The following FMN1 variants were observed in gnomAD, a reference collection of about 807,000 sequenced individuals.
FMN1 encodes the protein formin 1.
In FMN1, 110 loss-of-function variants were observed where a neutral mutation model predicts 132.4. The ratio of observed to expected loss-of-function variants is 0.83; its 90% CI spans 0.71 to 0.97. The LOEUF (loss-of-function observed/expected upper bound fraction) is 0.97, where lower values mean the gene tolerates loss of function less well. Ranked by LOEUF, FMN1 falls within the 50% of genes least tolerant of loss-of-function variation. The pLI is 0.00. For missense variants in FMN1, 1,792 were observed against 1,705.3 expected, an observed-to-expected ratio of 1.05 and a Z score of -0.90; for synonymous variants, 722 against 651.7, an observed-to-expected ratio of 1.11 and a Z score of -1.64.
chr15:33,102,315 G>C (rs904974217), intron 4 of FMN1, among the ~76,000 whole-genome samples: 1 of 152,134 alleles, frequency 6.6e-6, no homozygotes, highest in Non-Finnish European at 1.5e-5. Context: ...TTGTTGAAAT[G>C]AGAAGATGTG....
intron 4 of FMN1, among the ~76,000 whole-genome samples, chr15:33,144,039 T>C (rs1212642242): frequency 6.6e-6 from 1 of 152,138 alleles, no homozygotes; most frequent in Non-Finnish European, 1.5e-5. Context: ...TTGAGAACAC[T>C]TTGAAGAGAG....
intron 6 of FMN1, among the ~76,000 whole-genome samples, chr15:33,058,461 A>G (rs2037335050): frequency 6.6e-6 from 1 of 152,238 alleles, no homozygotes; most frequent in African/African-American, 2.4e-5. Flanking sequence ...CATGTACACC[A>G]TGCATTTTAC....
At position 33,151,578 on chromosome 15, in the gene FMN1, G is replaced by T. The variant is rs8037315; in HGVS notation, c.1867+1470C>A. ...AAATAGAAAAAGGGCAAAATAATAAGATAATCCTACATTGAGGAAAAAGAG... is the reference window on the plus strand; with the variant it reads ...AAATAGAAAAAGGGCAAAATAATAATATAATCCTACATTGAGGAAAAAGAG... On this transcript the variant is annotated intron_variant, in intron 4 of 20. Coordinates refer to ENST00000616417, the MANE Select transcript of FMN1 (RefSeq NM_001277313.2). 8.5e-3 allele frequency among the ~76,000 whole-genome samples: 1,294 copies of T among 152,238 alleles called. 14 individuals carry two copies. The highest frequency in any genetic ancestry group is 0.03 in the African/African-American group (1,228 of 41,512).
At chr15:32,997,738 A>G (rs2033858983) in intron 7 of FMN1, among the ~76,000 whole-genome samples, 1 of 152,130 alleles carries the variant, frequency 6.6e-6, no homozygotes, top group Non-Finnish European at 1.5e-5. Context: ...TAGAACACAG[A>G]CCATACCCAA....
At chr15:33,034,932 G>A (rs376732058) in intron 6 of FMN1, among the ~76,000 whole-genome samples, 3 of 152,040 alleles carry the variant, frequency 2.0e-5, no homozygotes, top group South Asian at 4.2e-4. Flanking sequence ...CAACACAAAA[G>A]CCAATCTCAA....
At chr15:32,799,956 C>G in intron 18 of FMN1, among the ~76,000 whole-genome samples, 1 of 152,156 alleles carries the variant, frequency 6.6e-6, no homozygotes, top group East Asian at 1.9e-4. Context: ...GCTCTATCAT[C>G]TGTTCAGACA....
Position 32,902,070 on chromosome 15 carries a change from T to G in FMN1, c.3378-30A>C, listed in dbSNP as rs111871731. ...AAAAAAGAAAATGTGTCATCTACCT[T>G]CACATATAATCACAAGGAAAATAAA... On this transcript the variant is annotated intron_variant, in intron 12 of 20. Transcript: ENST00000616417. 290 of 1,573,364 alleles carry G rather than the reference T, an allele frequency of 1.8e-4. 1 individual carries two copies. In the African/African-American group the frequency reaches 3.4e-3, roughly 18 times the overall value.
chr15:33,094,317 T>C (rs1221684254), intron 4 of FMN1, among the ~76,000 whole-genome samples: 1 of 152,202 alleles, frequency 6.6e-6, no homozygotes, highest in African/African-American at 2.4e-5. Flanking sequence ...GGGGGATAGA[T>C]AGATTTGATG....
chr15:33,041,772 G>A (rs1271300341), intron 6 of FMN1, among the ~76,000 whole-genome samples: 1 of 152,052 alleles, frequency 6.6e-6, no homozygotes, highest in Non-Finnish European at 1.5e-5. Context: ...ATATAAATGA[G>A]GGAAGATGGA....
intron 12 of FMN1, among the ~76,000 whole-genome samples, chr15:32,905,677 G>C (rs992086088): frequency 1.3e-5 from 2 of 152,214 alleles, no homozygotes; most frequent in Admixed American, 1.3e-4. Context: ...TCCATGCTCT[G>C]ATTTATAGGA....
In FMN1 at chr15:33,065,015, C is replaced by A; in HGVS notation, c.2103G>T (p.Trp701Cys). The part of the protein sequence containing the change: ...DRTPGRLQAV[W>C]PPPKTKDTEE... ...CTGTGTCTTTTGTCTTTGGGGGTGG[C>A]CAGACAGCTTGAAGTCTGCCAGGAG... is the stretch of plus-strand genomic sequence containing the variant. The change falls in exon 6 of 21, where the codon TGG becomes TGT. Residue 701 changes from tryptophan to cysteine, a missense_variant. Physicochemically the swap from Trp to Cys is radical, Grantham distance 215 (BLOSUM62 -2). This residue lies in a region of FMN1 where 1,150 missense variants were observed against 1,043.1 expected (regional missense o/e 1.10). Coordinates refer to ENST00000616417, the MANE Select transcript of FMN1 (RefSeq NM_001277313.2). 1 of 1,611,886 alleles carries A rather than the reference C, an allele frequency of 6.2e-7. No individual in the cohort carries two copies. The highest frequency in any genetic ancestry group is 8.5e-7 in the Non-Finnish European group (1 of 1,178,958).
intron 7 of FMN1, among the ~76,000 whole-genome samples, chr15:32,988,000 GA>G (rs1337623161): frequency 5.4e-5 from 8 of 148,258 alleles, no homozygotes; most frequent in Non-Finnish European, 1.2e-4. Context: ...AGGTTTAGGA[GA>G]AAAAAATGTT....
At chr15:33,012,353 GTGGA>G (rs2034777762) in intron 6 of FMN1, 1 of 871,536 alleles carries the variant, frequency 1.1e-6, no homozygotes, top group Non-Finnish European at 1.9e-6. Flanking sequence ...GCCACACAAG[GTGGA>G]TGAAGAGTTG....
At chr15:33,117,734 T>C (rs1292792524) in intron 4 of FMN1, among the ~76,000 whole-genome samples, 1 of 152,172 alleles carries the variant, frequency 6.6e-6, no homozygotes, top group African/African-American at 2.4e-5. Context: ...ACAACATTTG[T>C]ACTCTCTTGA....
intron 9 of FMN1, among the ~76,000 whole-genome samples, chr15:32,941,817 A>G (rs528384642): frequency 4.6e-4 from 70 of 152,190 alleles, no homozygotes; most frequent in African/African-American, 1.6e-3. Flanking sequence ...CCTCAAGATC[A>G]CCATTTTTTT....
intron 4 of FMN1, among the ~76,000 whole-genome samples, chr15:33,116,445 C>T (rs2039928605): frequency 1.3e-5 from 2 of 152,142 alleles, no homozygotes; most frequent in Non-Finnish European, 1.5e-5. Context: ...GCCTCATTTC[C>T]GTTTTCTGTC....
At chr15:33,190,961 G>C (rs1195858446) in intron 2 of FMN1, among the ~76,000 whole-genome samples, 1 of 152,158 alleles carries the variant, frequency 6.6e-6, no homozygotes, top group Non-Finnish European at 1.5e-5. Flanking sequence ...ACAAGGTCAG[G>C]AGATCAAGAC....
chr15:33,153,432 G>T lies in FMN1; in HGVS notation c.1483C>A (p.Pro495Thr), dbSNP rs1444138067. ...PRGDKKKPSPPAPAALGKVFN... is the reference protein window; with the variant it reads ...PRGDKKKPSPTAPAALGKVFN... ...ACCTTGCCAAGAGCTGCCGGTGCTG[G>T]TGGGGATGGCTTCTTCTTATCACCT... is the stretch of plus-strand genomic sequence containing the variant. The change falls in exon 4 of 21, where the codon CCA becomes ACA. Residue 495 changes from proline to threonine, a missense_variant. Physicochemically the swap from Pro to Thr is conservative, Grantham distance 38 (BLOSUM62 -1). Coordinates refer to ENST00000616417, the MANE Select transcript of FMN1 (RefSeq NM_001277313.2). 2 of 1,536,842 alleles carry T rather than the reference G, an allele frequency of 1.3e-6. No individual in the cohort carries two copies. The highest frequency in any genetic ancestry group is 2.4e-5 in the South Asian group (2 of 84,066).
At chr15:32,912,603 G>A (rs1185460302) in intron 10 of FMN1, among the ~76,000 whole-genome samples, 4 of 152,164 alleles carry the variant, frequency 2.6e-5, no homozygotes, top group African/African-American at 7.2e-5. Context: ...AAGGCTCAAG[G>A]AAGGCTTCTT....
Sources: gnomAD v4.1 joint callset for allele counts (sites outside exome capture counted in the v4.1 genomes callset) on GRCh38, gnomAD v4.1.1 for gene constraint, gnomAD v4.1.1 regional missense constraint, MANE v1.5 for transcripts, NCBI Gene and HGNC (gene_info 2026-07-23, HGNC 2026-07-21) for gene names.